CBR4: variants seen among roughly 807,000 people sequenced by gnomAD.
CBR4 encodes 3-oxoacyl-[acyl-carrier-protein] reductase.
CBR4 carries 22 observed loss-of-function variants against 21.0 expected under a neutral mutation model. That is an observed-to-expected ratio of 1.05 (90% confidence interval 0.75 to 1.50). CBR4 has a LOEUF of 1.50. Ranked by LOEUF, CBR4 falls within the 40% of genes most tolerant of loss-of-function variation. The pLI is 0.00. For missense variants in CBR4, 302 were observed against 286.3 expected, an observed-to-expected ratio of 1.05 and a Z score of -0.40; for synonymous variants, 100 against 104.4, an observed-to-expected ratio of 0.96 and a Z score of 0.26.
rs1177627176 is a variant in CBR4 at position 168,903,757 on chromosome 4, A to G, written n.170-8992T>C. 17 of 1,609,518 alleles carry G rather than the reference A, an allele frequency of 1.1e-5. No individual in the cohort carries two copies. The highest frequency in any genetic ancestry group is 1.3e-5 in the African/African-American group (1 of 74,952). On this transcript the variant is annotated intron_variant and non_coding_transcript_variant, in intron 2 of 3. Coordinates refer to the CBR4 transcript ENST00000509108. ...CTTTAATCTTTGTTTCTATTCACAG[A>G]TCTATTGGTTTAAAGATGGGAAGCA...
In CBR4 at chr4:168,997,838, TTGATG is replaced by T. The variant is rs368371331; in HGVS notation, c.535+4228_535+4232del. Among the ~76,000 whole-genome samples the T allele has an allele frequency of 3.0e-3, 464 of 152,278 alleles. 2 individuals are homozygous for T. The highest frequency in any genetic ancestry group is 0.01 in the African/African-American group (430 of 41,550). On this transcript the variant is annotated intron_variant, in intron 4 of 4. Coordinates refer to ENST00000306193, the MANE Select transcript of CBR4 (RefSeq NM_032783.5). ...ATCTGCCAGATAAGATGTCCACTCT[TTGATG>T]TAAGTTTCTAGGACTCAAAAAGAAC... is the stretch of plus-strand genomic sequence containing the variant.
intron 2 of CBR4, among the ~76,000 whole-genome samples, chr4:168,913,428 T>C (rs1331413749): frequency 2.6e-5 from 4 of 152,254 alleles, no homozygotes; most frequent in African/African-American, 7.2e-5. Context: ...TGAGCCATCG[T>C]GCCCGGCCAG....
chr4:168,924,827 C>T, intron 2 of CBR4: 1 of 973,238 alleles, frequency 1.0e-6, no homozygotes, highest in Non-Finnish European at 1.6e-6. Flanking sequence ...ATAAGTATGA[C>T]CCTATTATCA....
chr4:168,949,476 T>C (rs1763480679), intron 2 of CBR4, among the ~76,000 whole-genome samples: 1 of 152,324 alleles, frequency 6.6e-6, no homozygotes, highest in African/African-American at 2.4e-5. Flanking sequence ...AACTTTTCCC[T>C]ACTCAGTATT....
At chr4:168,961,685 T>C (rs1763858731) in intron 2 of CBR4, among the ~76,000 whole-genome samples, 1 of 151,944 alleles carries the variant, frequency 6.6e-6, no homozygotes, top group Non-Finnish European at 1.5e-5. Context: ...AGGTCAGGAG[T>C]TCGCGACCAG....
intron 2 of CBR4, among the ~76,000 whole-genome samples, chr4:168,978,829 A>G (rs998867649): frequency 6.6e-6 from 1 of 152,086 alleles, no homozygotes; most frequent in African/African-American, 2.4e-5. Context: ...CCTTGCCCCA[A>G]CTACACCTCC....
chr4:169,009,853 C>A (rs977813902), intron 1 of CBR4, 95 bp downstream of exon 1: 6 of 1,188,336 alleles, frequency 5.0e-6, no homozygotes, highest in Non-Finnish European at 7.0e-6. Context: ...AACCCTAGAG[C>A]CCTAAAGGCC....
At chr4:168,983,971 G>A (rs954126501), downstream of CBR4, among the ~76,000 whole-genome samples, 1 of 152,036 alleles carries the variant, frequency 6.6e-6, no homozygotes, top group Non-Finnish European at 1.5e-5. Flanking sequence ...GGTAAAAGCT[G>A]GAAGCATTCC....
intron 2 of CBR4, among the ~76,000 whole-genome samples, chr4:168,960,911 G>C (rs1763831507): frequency 6.6e-6 from 1 of 152,188 alleles, no homozygotes; most frequent in African/African-American, 2.4e-5. Flanking sequence ...ATAAGCACAA[G>C]CTGTTTCCGG....
At chr4:168,934,984 G>A (rs575514782) in intron 2 of CBR4, among the ~76,000 whole-genome samples, 8 of 152,240 alleles carry the variant, frequency 5.3e-5, no homozygotes, top group East Asian at 3.9e-4. Context: ...ATCATACACC[G>A]AAGATGGCCA....
Position 168,956,460 on chromosome 4 carries a change from C to T in CBR4, n.169+45611G>A, listed in dbSNP as rs377491044. ...AAAAAACACAAAAATTAGTTACGCA[C>T]GGTGGCGTGTGCCTATAGTCCCAGC... On this transcript the variant is annotated intron_variant and non_coding_transcript_variant, in intron 2 of 3. Transcript: ENST00000509108. Among the ~76,000 whole-genome samples the T allele has an allele frequency of 2.2e-4, 33 of 151,614 alleles. 1 individual carries two copies. In the South Asian group the frequency reaches 4.2e-3, roughly 19 times the overall value.
At chr4:168,937,475 T>C (rs1039294630) in intron 2 of CBR4, among the ~76,000 whole-genome samples, 2 of 152,098 alleles carry the variant, frequency 1.3e-5, no homozygotes, top group African/African-American at 4.8e-5. Flanking sequence ...TAACCTTAAA[T>C]GTAAATGGAC....
intron 2 of CBR4, chr4:168,926,149 A>C (rs1762548355): frequency 1.5e-6 from 2 of 1,298,052 alleles, no homozygotes; most frequent in South Asian, 3.2e-5. Context: ...ATTTATTTGA[A>C]ATATCTAAAG....
intron 2 of CBR4, among the ~76,000 whole-genome samples, chr4:168,941,382 C>A (rs1025380835): frequency 6.6e-6 from 1 of 151,968 alleles, no homozygotes; most frequent in African/African-American, 2.4e-5. Context: ...CCCAAGGATA[C>A]AAAGATGGTT....
At chr4:168,912,777 T>C (rs550038974) in intron 2 of CBR4, among the ~76,000 whole-genome samples, 104 of 152,322 alleles carry the variant, frequency 6.8e-4, no homozygotes, top group African/African-American at 2.3e-3. Flanking sequence ...CAATAAATTA[T>C]TGTTATCCTA....
intron 2 of CBR4, among the ~76,000 whole-genome samples, chr4:168,959,874 T>TA (rs70961565): frequency 0.69 from 98,663 of 143,636 alleles, 34,473 homozygotes; most frequent in East Asian, 0.95. Flanking sequence ...CAATTTCTAT[T>TA]AAAAAAAAAA....
intron 2 of CBR4, among the ~76,000 whole-genome samples, chr4:168,948,422 G>A (rs1244095276): frequency 1.3e-5 from 2 of 152,038 alleles, no homozygotes; most frequent in Non-Finnish European, 2.9e-5. Flanking sequence ...TTGGGTTCTT[G>A]GTCATGAAAT....
intron 2 of CBR4, among the ~76,000 whole-genome samples, chr4:168,905,138 GTTTTTTTTTTT>G (rs777740588): frequency 0.026 from 904 of 34,536 alleles, 39 homozygotes; most frequent in African/African-American, 0.053. Flanking sequence ...TGTTTTGTTG[GTTTTTTTTTTT>G]TTTTTTTTTT....
chr4:168,973,313 CTCTT>C lies in CBR4; in HGVS notation n.169+28754_169+28757del, dbSNP rs367911022. On this transcript the variant is annotated intron_variant and non_coding_transcript_variant, in intron 2 of 3. Transcript: ENST00000509108. ...CATAGAATGATTTAGGGAGGATTCT[CTCTT>C]TATCTTTTGGAATAGTTTCAGTAGG... Among the ~76,000 whole-genome samples, 26 of 152,208 alleles carry C rather than the reference CTCTT, an allele frequency of 1.7e-4. No homozygotes were observed. The East Asian group carries it at 4.1e-3, about 24-fold the overall frequency.
Sources: gnomAD v4.1 joint callset for allele counts (sites outside exome capture counted in the v4.1 genomes callset) on GRCh38, gnomAD v4.1.1 for gene constraint, MANE v1.5 for transcripts, NCBI Gene and HGNC (gene_info 2026-07-23, HGNC 2026-07-21) for gene names.